Variants in BBX observed in about 807,000 individuals in gnomAD.
The protein encoded by BBX is HMG box transcription factor BBX.
In BBX, 30 loss-of-function variants were observed where a neutral mutation model predicts 100.2. The observed-to-expected ratio is 0.30, with a 90% CI of 0.22 to 0.41. The LOEUF (loss-of-function observed/expected upper bound fraction) is 0.41. Ranked by LOEUF, BBX falls within the 10% of genes least tolerant of loss-of-function variation. The probability of loss-of-function intolerance (pLI) is 1.00; values close to 1 mark genes in which losing one functional copy is unlikely to be tolerated. For synonymous variants in BBX, 376 were observed against 388.1 expected, an observed-to-expected ratio of 0.97 and a Z score of 0.37; for missense variants, 1,023 against 1,129.8, an observed-to-expected ratio of 0.91 and a Z score of 1.35.
chr3:107,805,320 T>G, intron 17 of BBX, 50 bp from the exon 18 acceptor site: 1 of 1,546,728 alleles, frequency 6.5e-7, no homozygotes, highest in Non-Finnish European at 8.8e-7. Flanking sequence ...CTCTCCTGTC[T>G]CTAATAACAT....
chr3:107,659,821 TGCTG>T, intron 3 of BBX: 2 of 1,105,116 alleles, frequency 1.8e-6, no homozygotes, highest in Non-Finnish European at 2.4e-6. Context: ...AGACTAGAAA[TGCTG>T]TTCTAGAAAT....
chr3:107,596,688 TA>T lies in BBX; in HGVS notation c.-83-49145del, dbSNP rs2053687495. On this transcript the variant is annotated intron_variant, in intron 2 of 17. Coordinates refer to ENST00000325805, the MANE Select transcript of BBX (RefSeq NM_001142568.3). The stretch of plus-strand genomic sequence containing the variant: ...CTGGTGATTGCCTGGGAAACACTAA[TA>T]AAGGTTAAATCATGTTGATGTGGTC... Among the ~76,000 whole-genome samples the T allele has an allele frequency of 1.3e-5, 2 of 152,196 alleles. 1 individual carries two copies. The highest frequency in any genetic ancestry group is 4.1e-4 in the South Asian group (2 of 4,830).
At chr3:107,782,395 T>TTA (rs1019405220) in intron 13 of BBX, among the ~76,000 whole-genome samples, 5 of 152,062 alleles carry the variant, frequency 3.3e-5, no homozygotes, top group Admixed American at 1.3e-4. Context: ...CCCTTGCTCT[T>TTA]TATATATATA....
intron 10 of BBX, among the ~76,000 whole-genome samples, chr3:107,764,271 C>T (rs1036576543): frequency 6.6e-6 from 1 of 152,204 alleles, no homozygotes; most frequent in Non-Finnish European, 1.5e-5. Context: ...GGATTACAGG[C>T]GTGAGCCACC....
intron 2 of BBX, among the ~76,000 whole-genome samples, chr3:107,595,616 A>G (rs943351084): frequency 1.3e-5 from 2 of 152,220 alleles, no homozygotes; most frequent in Non-Finnish European, 2.9e-5. Flanking sequence ...ATCAGAGATT[A>G]AAATTGTATT....
At chr3:107,689,329 A>G (rs1353248938) in intron 3 of BBX, among the ~76,000 whole-genome samples, 1 of 152,192 alleles carries the variant, frequency 6.6e-6, no homozygotes, top group Admixed American at 6.5e-5. Context: ...TGTGTTGCTT[A>G]TGAAAATGAC....
At chr3:107,717,382 CTTT>C (rs1159324570) in intron 5 of BBX, among the ~76,000 whole-genome samples, 1 of 151,222 alleles carries the variant, frequency 6.6e-6, no homozygotes, top group East Asian at 1.9e-4. Flanking sequence ...ATCTCAGCTT[CTTT>C]TTTTTTCTTT....
At chr3:107,721,229 C>G (rs899912716) in intron 5 of BBX, among the ~76,000 whole-genome samples, 2 of 152,094 alleles carry the variant, frequency 1.3e-5, no homozygotes, top group African/African-American at 2.4e-5. Context: ...CTTTAACACA[C>G]TATTTCCACA....
chr3:107,574,258 G>C (rs577627946), intron 2 of BBX, among the ~76,000 whole-genome samples: 9 of 152,282 alleles, frequency 5.9e-5, no homozygotes, highest in African/African-American at 2.2e-4. Context: ...TTGAGACCTG[G>C]AAAGGTTAGG....
intron 3 of BBX, 115 bp from the exon 4 acceptor site, chr3:107,710,337 A>G: frequency 2.5e-6 from 2 of 785,806 alleles, no homozygotes; most frequent in Non-Finnish European, 3.9e-6. Flanking sequence ...TTATAATCTA[A>G]TTAATCCTAA....
chr3:107,544,841 TAAAAAAAAA>T (rs71764209), intron 2 of BBX, among the ~76,000 whole-genome samples: 2 of 99,366 alleles, frequency 2.0e-5, no homozygotes, highest in Non-Finnish European at 4.2e-5. Flanking sequence ...CTGTCTCTAC[TAAAAAAAAA>T]AAAAAAAAAG....
chr3:107,780,011 G>C (rs754704475), intron 13 of BBX, among the ~76,000 whole-genome samples: 1 of 152,062 alleles, frequency 6.6e-6, no homozygotes, highest in Non-Finnish European at 1.5e-5. Context: ...AAGTTTGCTC[G>C]TCTGAGAAAA....
chr3:107,761,873 T>C (rs1270545709), intron 10 of BBX, among the ~76,000 whole-genome samples: 1 of 152,190 alleles, frequency 6.6e-6, no homozygotes, highest in African/African-American at 2.4e-5. Flanking sequence ...TTGATCAGTG[T>C]ATGATTCCAT....
At chr3:107,544,223 T>C (rs2049052947) in intron 2 of BBX, among the ~76,000 whole-genome samples, 2 of 152,202 alleles carry the variant, frequency 1.3e-5, no homozygotes. Flanking sequence ...TCTATTCTGC[T>C]CCTTTGTGTA....
At chr3:107,674,755 C>A (rs969031380) in intron 3 of BBX, 4 of 152,574 alleles carry the variant, frequency 2.6e-5, no homozygotes, top group Non-Finnish European at 5.9e-5. Flanking sequence ...ACAAAGAACT[C>A]CTTTTAGATT....
rs941988547 is a variant in BBX at position 107,774,927 on chromosome 3, C to G, written c.2054+70C>G. The G allele has an allele frequency of 1.9e-5, 30 of 1,548,272 alleles. No homozygotes were observed. The African/African-American group carries it at 3.9e-4, about 20-fold the overall frequency. On this transcript the variant is annotated intron_variant, in intron 12 of 17. Coordinates refer to ENST00000325805, the MANE Select transcript of BBX (RefSeq NM_001142568.3). ...GTGTGGGTGGGATTTTCAAGGTAAA[C>G]AGATCACTAACTACGCATGCTTGTT...
Position 107,636,380 on chromosome 3 carries a change from T to C in BBX, c.-83-9456T>C, listed in dbSNP as rs573722121. On this transcript the variant is annotated intron_variant, in intron 2 of 17. Transcript: ENST00000325805. ...TACGATGAGCAGGCAAAAGCATACA[T>C]GTCTATAATTTGCTGCTTAAGAAAA... Among the ~76,000 whole-genome samples the C allele has an allele frequency of 2.0e-5, 3 of 152,340 alleles. No individual in the cohort carries two copies. In the South Asian group the frequency reaches 6.2e-4, roughly 32 times the overall value.
At chr3:107,554,291 G>A (rs892456291) in intron 2 of BBX, among the ~76,000 whole-genome samples, 1 of 152,164 alleles carries the variant, frequency 6.6e-6, no homozygotes, top group Non-Finnish European at 1.5e-5. Flanking sequence ...GCTGTTACTT[G>A]TGGAAAATAA....
At chr3:107,539,768 C>G (rs1412537712) in intron 2 of BBX, among the ~76,000 whole-genome samples, 3 of 152,068 alleles carry the variant, frequency 2.0e-5, no homozygotes, top group Admixed American at 1.3e-4. Flanking sequence ...TTAATATTTT[C>G]CTGTCACTCA....
Sources: gnomAD v4.1 joint callset for allele counts (sites outside exome capture counted in the v4.1 genomes callset) on GRCh38, gnomAD v4.1.1 for gene constraint, MANE v1.5 for transcripts, NCBI Gene and HGNC (gene_info 2026-07-23, HGNC 2026-07-21) for gene names.